Variants in FLRT2 observed in about 807,000 individuals in gnomAD.
FLRT2 encodes fibronectin leucine rich transmembrane protein 2, also known as leucine-rich repeat transmembrane protein FLRT2.
FLRT2 carries 15 observed loss-of-function variants against 40.0 expected under a neutral mutation model. That is an observed-to-expected ratio of 0.38 (90% confidence interval 0.25 to 0.58). The LOEUF is 0.58. FLRT2 is among the 20% of genes least tolerant of loss of function. The pLI, the probability that FLRT2 is intolerant of heterozygous loss-of-function variation, is 0.71. For synonymous variants in FLRT2, 380 were observed against 336.8 expected (o/e 1.13, Z -1.41); for missense variants, 726 against 840.0 (o/e 0.86, Z 1.68).
intron 1 of FLRT2, among the ~76,000 whole-genome samples, chr14:85,537,182 G>A (rs1322183832): frequency 2.0e-5 from 3 of 152,130 alleles, no homozygotes; most frequent in Non-Finnish European, 4.4e-5. Context: ...TCCTAATCCA[G>A]GTTTGTCTTG....
rs1894388981 is a variant in FLRT2 at position 85,649,728 on chromosome 14, T to G, written c.*26231T>G. On this transcript the variant is annotated 3_prime_UTR_variant, in exon 2 of 2. Transcript: ENST00000330753. ...AATGAACCTTATATCATTAATATTT[T>G]TGTGTCAATGGTGAGTTCTTCTTTT... The G allele has an allele frequency of 6.6e-6, 1 of 152,128 alleles. No homozygotes were observed. The highest frequency in any genetic ancestry group is 2.4e-5 in the African/African-American group (1 of 41,444). The allele number at this position is 152,128 out of a possible 1,614,324, so 9.4% of individuals were successfully genotyped here.
At chr14:85,611,111 G>C (rs1391854937) in intron 1 of FLRT2, among the ~76,000 whole-genome samples, 3 of 152,164 alleles carry the variant, frequency 2.0e-5, no homozygotes, top group East Asian at 1.9e-4. Flanking sequence ...GGCCAGGCTG[G>C]TCTCGAACTC....
chr14:85,550,099 A>G (rs1393990434), intron 1 of FLRT2, among the ~76,000 whole-genome samples: 2 of 152,124 alleles, frequency 1.3e-5, no homozygotes, highest in Admixed American at 6.5e-5. Flanking sequence ...GGCATCGTGG[A>G]TTATTGGAAG....
intron 1 of FLRT2, among the ~76,000 whole-genome samples, chr14:85,541,128 A>G (rs2139809971): frequency 6.6e-6 from 1 of 152,302 alleles, no homozygotes; most frequent in South Asian, 2.1e-4. Flanking sequence ...TCTTTTTCCA[A>G]ATAGGTCTTA....
chr14:85,569,912 T>A (rs998616301), intron 1 of FLRT2, among the ~76,000 whole-genome samples: 3 of 152,210 alleles, frequency 2.0e-5, no homozygotes, highest in African/African-American at 7.2e-5. Flanking sequence ...AACATGACAG[T>A]GGGTCTTAGT....
At chr14:85,538,548 CT>C (rs5810257) in intron 1 of FLRT2, among the ~76,000 whole-genome samples, 133,272 of 151,770 alleles carry the variant, frequency 0.88, 59,197 homozygotes, top group Middle Eastern at 0.95. Context: ...ACATGTCATA[CT>C]GTTATATTTC....
At chr14:85,568,200 C>A (rs1361443280) in intron 1 of FLRT2, among the ~76,000 whole-genome samples, 1 of 150,792 alleles carries the variant, frequency 6.6e-6, no homozygotes, top group Non-Finnish European at 1.5e-5. Context: ...GTTCATGGGA[C>A]CTTGCTGATC....
intron 1 of FLRT2, among the ~76,000 whole-genome samples, chr14:85,587,148 G>A (rs965201008): frequency 6.6e-6 from 1 of 151,920 alleles, no homozygotes; most frequent in Admixed American, 6.6e-5. Flanking sequence ...GTTGTACTTC[G>A]CTTTCAAAAT....
At position 85,621,901 on chromosome 14, in the gene FLRT2, T is replaced by G; in HGVS notation, c.387T>G (p.Leu129=). The G allele has an allele frequency of 6.2e-7, 1 of 1,605,296 alleles. No individual in the cohort carries two copies. ...TTCAGACCATTTCACGGGCTGCTCT[T>G]GCCCAGCTCTTGAAGCTTGAAGAGC... ...NNIQTISRAA[L]AQLLKLEELH... Residue 129 remains leucine, a synonymous_variant, in exon 2 of 2, where the codon CTT becomes CTG. Coordinates refer to ENST00000330753, the MANE Select transcript of FLRT2 (RefSeq NM_013231.6).
chr14:85,601,114 G>A (rs1050835881), intron 1 of FLRT2, among the ~76,000 whole-genome samples: 1 of 152,118 alleles, frequency 6.6e-6, no homozygotes, highest in African/African-American at 2.4e-5. Context: ...GACCAGGGAG[G>A]GACTAAGGTA....
At chr14:85,604,562 G>C (rs1425531946) in intron 1 of FLRT2, among the ~76,000 whole-genome samples, 1 of 151,596 alleles carries the variant, frequency 6.6e-6, no homozygotes, top group African/African-American at 2.4e-5. Context: ...TCTGGGTGAA[G>C]AAATTGAGAG....
At chr14:85,534,219 C>A (rs1474933588) in intron 1 of FLRT2, among the ~76,000 whole-genome samples, 1 of 152,200 alleles carries the variant, frequency 6.6e-6, no homozygotes, top group Non-Finnish European at 1.5e-5. Context: ...TCAGCCCCAG[C>A]TGGTGCCTCA....
intron 1 of FLRT2, among the ~76,000 whole-genome samples, chr14:85,584,194 G>C (rs1257672340): frequency 6.6e-6 from 1 of 152,114 alleles, no homozygotes; most frequent in East Asian, 1.9e-4. Flanking sequence ...GGGCTCCTTA[G>C]CTACTTGCCT....
rs142958450 is a variant in FLRT2, at chr14:85,594,716, T to G, written c.-376-26423T>G. 3.3e-5 allele frequency among the ~76,000 whole-genome samples: 5 copies of G among 152,222 alleles called. No homozygotes were observed. In the East Asian group the frequency reaches 9.7e-4, roughly 29 times the overall value. The stretch of plus-strand genomic sequence containing the variant: ...CTATAATCCTCATAAAAACTAAAGT[T>G]TACTTAATGGAGTTGACTCTTGAAA... On this transcript the variant is annotated intron_variant, in intron 1 of 1. Transcript: ENST00000330753.
In FLRT2 at chr14:85,547,146, T is replaced by G. The variant is rs150790116; in HGVS notation, c.-377+16612T>G. Reference sequence around the variant, plus strand: ...ACTCTCCATTGTTTAGAGGATCAAGTCTAAACTCCCCAGTTTGACTTTCAA... The same window carrying G: ...ACTCTCCATTGTTTAGAGGATCAAGGCTAAACTCCCCAGTTTGACTTTCAA... On this transcript the variant is annotated intron_variant, in intron 1 of 1. Transcript: ENST00000330753. Among the ~76,000 whole-genome samples, 290 of 152,218 alleles carry G rather than the reference T, an allele frequency of 1.9e-3. 1 individual carries two copies. Among genetic ancestry groups the G allele is most frequent in the African/African-American group, 6.8e-3 (284 of 41,540 alleles).
rs879862266 is a variant in FLRT2, at chr14:85,643,342, T to TTCCTTC, written c.*19845_*19846insTCCTTC. The TTCCTTC allele has an allele frequency of 3.2e-3, 274 of 85,044 alleles. 4 individuals carry two copies. The highest frequency in any genetic ancestry group is 9.2e-3 in the African/African-American group (205 of 22,288). The allele number at this position is 85,044 out of a possible 1,614,324, so 5.3% of individuals were successfully genotyped here. On this transcript the variant is annotated 3_prime_UTR_variant, in exon 2 of 2. Transcript: ENST00000330753. ...TTCTTTCTTTCTTTCTTTCTTTCTT[T>TTCCTTC]CTTTCTTTCTTTCTTCCTTCCTTCC...
chr14:85,649,466 G>A lies in FLRT2; in HGVS notation c.*25969G>A, dbSNP rs1894383310. On this transcript the variant is annotated 3_prime_UTR_variant, in exon 2 of 2. Coordinates refer to ENST00000330753, the MANE Select transcript of FLRT2 (RefSeq NM_013231.6). ...GCAGAACTTAATTCAAAATTGTTCA[G>A]TGTTTTGTCAGATGAACTCCTTAAC... The A allele has an allele frequency of 6.6e-6, 1 of 152,094 alleles. No individual in the cohort carries two copies. The highest frequency in any genetic ancestry group is 1.5e-5 in the Non-Finnish European group (1 of 67,980). 9.4% of individuals were successfully genotyped at this position (152,094 alleles called of 1,614,324 possible). A position where few individuals can be genotyped will look rare whatever the true frequency, so the allele number is the denominator to read the frequency against.
At chr14:85,606,419 A>G (rs1782877804) in intron 1 of FLRT2, among the ~76,000 whole-genome samples, 1 of 152,084 alleles carries the variant, frequency 6.6e-6, no homozygotes, top group African/African-American at 2.4e-5. Flanking sequence ...TAAAATGGCA[A>G]TGTAATATTT....
Position 85,622,853 on chromosome 14 carries a change from G to A in FLRT2, c.1339G>A (p.Val447Met), listed in dbSNP as rs765263836. ...AGTCAGCTGGCTCTCTCTCTTCACC[G>A]TGATGGCATACAAACTCACATGGGT... is the stretch of plus-strand genomic sequence containing the variant. ...IQVSWLSLFT[V>M]MAYKLTWVKM... The change falls in exon 2 of 2, where the codon GTG becomes ATG. Residue 447 changes from valine (V) to methionine (M), a missense_variant. Physicochemically the swap from Val to Met is conservative, Grantham distance 21. Around this residue, in one of 3 missense-constraint regions of FLRT2, gnomAD observed 611 missense variants for 690.0 expected, o/e 0.89. Transcript: ENST00000330753. The A allele has an allele frequency of 4.5e-5, 73 of 1,614,012 alleles. No individual in the cohort carries two copies. Among genetic ancestry groups the A allele is most frequent in the Non-Finnish European group, 5.9e-5 (70 of 1,180,040 alleles).
Sources: gnomAD v4.1 joint callset for allele counts (sites outside exome capture counted in the v4.1 genomes callset) on GRCh38, gnomAD v4.1.1 for gene constraint, gnomAD v4.1.1 regional missense constraint, MANE v1.5 for transcripts, NCBI Gene and HGNC (gene_info 2026-07-23, HGNC 2026-07-21) for gene names.